Variants in PCLO observed in about 807,000 individuals in gnomAD.
PCLO encodes the protein piccolo presynaptic cytomatrix protein.
In PCLO, 82 loss-of-function variants were observed where a neutral mutation model predicts 427.5. The ratio of observed to expected loss-of-function variants is 0.19; its 90% CI spans 0.16 to 0.23. The LOEUF (loss-of-function observed/expected upper bound fraction) is 0.23, where lower values mean the gene tolerates loss of function less well. PCLO is among the 10% of genes least tolerant of loss of function. PCLO has a pLI of 1.00. For synonymous variants in PCLO, 2,357 were observed against 2,155.4 expected, an observed-to-expected ratio of 1.09 and a Z score of -2.59; for missense variants, 6,239 against 6,115.9, an observed-to-expected ratio of 1.02 and a Z score of -0.67.
At chr7:82,928,542 G>A (rs1043782012) in intron 6 of PCLO, among the ~76,000 whole-genome samples, 5 of 152,092 alleles carry the variant, frequency 3.3e-5, no homozygotes, top group East Asian at 1.9e-4. Flanking sequence ...TACCACGCTC[G>A]GCTAATTTTT....
chr7:82,782,715 A>G (rs2129468163), intron 22 of PCLO, among the ~76,000 whole-genome samples: 1 of 152,368 alleles, frequency 6.6e-6, no homozygotes, highest in Admixed American at 6.5e-5. Flanking sequence ...GAAATTTACT[A>G]CGGTTCACTG....
At chr7:82,902,368 T>C (rs762449912) in intron 9 of PCLO, among the ~76,000 whole-genome samples, 9 of 151,750 alleles carry the variant, frequency 5.9e-5, no homozygotes, top group African/African-American at 1.5e-4. Context: ...CAGATGGGAA[T>C]TGAACAATGA....
chr7:83,130,713 G>T (rs570744844), intron 3 of PCLO, among the ~76,000 whole-genome samples: 36 of 152,202 alleles, frequency 2.4e-4, no homozygotes, highest in Non-Finnish European at 4.0e-4. Flanking sequence ...GGCCATTTTT[G>T]AGTATTTAAT....
chr7:82,822,074 T>C, intron 20 of PCLO: 1 of 1,004,212 alleles, frequency 1.0e-6, no homozygotes. Flanking sequence ...GCAAATCTGC[T>C]CTAAATACTT....
At chr7:82,927,504 T>C (rs1017559374) in intron 6 of PCLO, among the ~76,000 whole-genome samples, 1 of 152,182 alleles carries the variant, frequency 6.6e-6, no homozygotes, top group Non-Finnish European at 1.5e-5. Flanking sequence ...CACTTGGCTA[T>C]CTCTGTGAGA....
intron 3 of PCLO, among the ~76,000 whole-genome samples, chr7:82,989,262 C>T (rs1021406836): frequency 2.6e-5 from 4 of 151,968 alleles, no homozygotes; most frequent in Non-Finnish European, 5.9e-5. Flanking sequence ...TCATTTAGGG[C>T]AAAAGCAATC....
chr7:83,160,467 A>C (rs1369050801), intron 1 of PCLO, among the ~76,000 whole-genome samples: 3 of 152,158 alleles, frequency 2.0e-5, no homozygotes, highest in Admixed American at 2.0e-4. Flanking sequence ...ATATAGGGAA[A>C]ATAACTTTTA....
At position 83,156,200 on chromosome 7, in the gene PCLO, C is replaced by G. The variant is rs763150249; in HGVS notation, c.441G>C (p.Glu147Asp). Residue 147 changes from glutamate (E) to aspartate (D), a missense_variant, in exon 2 of 25, where the codon GAG becomes GAC. Glu to Asp is a conservative substitution (Grantham distance 45). This residue lies in a region of PCLO where 4,677 missense variants were observed against 4,468.4 expected (regional missense o/e 1.05). Coordinates refer to ENST00000333891, the MANE Select transcript of PCLO (RefSeq NM_033026.6). ...AGCCAGGCATCATACTAGACTTGTGCTCTTCCTTTAAATCAGTTCTGGACT... is the reference window on the plus strand; with the variant it reads ...AGCCAGGCATCATACTAGACTTGTGGTCTTCCTTTAAATCAGTTCTGGACT... ...ESKSRTDLKE[E>D]HKSSMMPGFL... The G allele has an allele frequency of 6.2e-7, 1 of 1,613,752 alleles. No individual in the cohort carries two copies. Among genetic ancestry groups the G allele is most frequent in the Admixed American group, 1.7e-5 (1 of 60,016 alleles).
intron 3 of PCLO, among the ~76,000 whole-genome samples, chr7:83,123,226 C>G (rs975257670): frequency 1.1e-4 from 16 of 152,154 alleles, no homozygotes; most frequent in African/African-American, 3.6e-4. Context: ...TTAAATTATA[C>G]TACAGTGCTG....
Position 82,893,416 on chromosome 7 carries a change from C to T in PCLO, c.13528+9235G>A, listed in dbSNP as rs374695240. On this transcript the variant is annotated intron_variant, in intron 9 of 24. Transcript: ENST00000333891. ...GGGCAGGGAACATCACACACTGGGCCCTGTTGTGGGGTCAGGGAAGGGGGG... is the reference window on the plus strand; with the variant it reads ...GGGCAGGGAACATCACACACTGGGCTCTGTTGTGGGGTCAGGGAAGGGGGG... Among the ~76,000 whole-genome samples the T allele has an allele frequency of 6.6e-5, 10 of 151,884 alleles. No homozygotes were observed. In the South Asian group the frequency reaches 1.7e-3, roughly 25 times the overall value.
chr7:82,823,179 CAGTATGTT>C (rs1469087182), intron 19 of PCLO, among the ~76,000 whole-genome samples: 13 of 152,150 alleles, frequency 8.5e-5, no homozygotes, highest in Non-Finnish European at 4.4e-5. Flanking sequence ...AATGATCATG[CAGTATGTT>C]AAGCAAGATA....
At chr7:82,937,475 T>C (rs1396293754) in intron 6 of PCLO, among the ~76,000 whole-genome samples, 1 of 151,718 alleles carries the variant, frequency 6.6e-6, no homozygotes, top group African/African-American at 2.4e-5. Flanking sequence ...AACTGTATTA[T>C]TTCCCTGAAC....
chr7:82,916,034 T>G lies in PCLO; in HGVS notation c.11952A>C (p.Gln3984His). Residue 3984 changes from glutamine (Q) to histidine (H), a missense_variant, in exon 7 of 25, where the codon CAA becomes CAC. Physicochemically the swap from Gln to His is conservative, Grantham distance 24 (BLOSUM62 0). This residue lies in a region of PCLO where 680 missense variants were observed against 677.3 expected (regional missense o/e 1.00). Coordinates refer to ENST00000333891, the MANE Select transcript of PCLO (RefSeq NM_033026.6). ...ITSNYEVIRN[Q>H]PLMIAPVSTD... ...TAGAAACAGGTGCTATCATAAGGGGTTGGTTGCGAATCACTTCATAGTTTG... is the reference window on the plus strand; with the variant it reads ...TAGAAACAGGTGCTATCATAAGGGGGTGGTTGCGAATCACTTCATAGTTTG... The G allele has an allele frequency of 6.2e-7, 1 of 1,612,718 alleles. No individual in the cohort carries two copies. The highest frequency in any genetic ancestry group is 1.1e-5 in the South Asian group (1 of 91,064).
intron 8 of PCLO, among the ~76,000 whole-genome samples, chr7:82,904,127 TAGGGTA>T (rs1383709119): frequency 7.2e-5 from 11 of 151,952 alleles, no homozygotes; most frequent in Non-Finnish European, 1.0e-4. Context: ...ATAAAAATAT[TAGGGTA>T]AGTATAATAA....
At chr7:82,816,144 C>T (rs1773350703) in intron 20 of PCLO, among the ~76,000 whole-genome samples, 2 of 151,954 alleles carry the variant, frequency 1.3e-5, no homozygotes, top group Admixed American at 1.3e-4. Flanking sequence ...ACGTTTCTTC[C>T]CCCAGATCAT....
chr7:83,079,047 C>A (rs1164669658), intron 3 of PCLO, among the ~76,000 whole-genome samples: 2 of 152,036 alleles, frequency 1.3e-5, no homozygotes, highest in African/African-American at 4.8e-5. Context: ...GGTTAATATA[C>A]AAATTTATAA....
At chr7:82,896,662 G>T (rs1455711750) in intron 9 of PCLO, among the ~76,000 whole-genome samples, 1 of 146,572 alleles carries the variant, frequency 6.8e-6, no homozygotes, top group Non-Finnish European at 1.5e-5. Flanking sequence ...CAAGAAAATT[G>T]TTAAAATAAT....
At chr7:82,809,939 G>C (rs1791534470) in intron 20 of PCLO, among the ~76,000 whole-genome samples, 1 of 151,504 alleles carries the variant, frequency 6.6e-6, no homozygotes, top group South Asian at 2.1e-4. Context: ...CTAACCATCA[G>C]AGATTATAAG....
At chr7:82,814,575 CTTAT>C (rs1345090207) in intron 20 of PCLO, among the ~76,000 whole-genome samples, 1 of 151,200 alleles carries the variant, frequency 6.6e-6, no homozygotes, top group African/African-American at 2.4e-5. Flanking sequence ...TATCTTAGAA[CTTAT>C]TTAATAATCC....
Sources: allele counts gnomAD v4.1 joint callset (sites outside exome capture counted in the v4.1 genomes callset), GRCh38; gene constraint gnomAD v4.1.1; regional missense constraint gnomAD v4.1.1; transcripts MANE v1.5; gene names NCBI Gene and HGNC (gene_info 2026-07-23, HGNC 2026-07-21).